BABAM2: variants seen among roughly 807,000 people sequenced by gnomAD.
The protein encoded by BABAM2 is BRISC and BRCA1-A complex member 2.
Under a neutral mutation model 54.7 loss-of-function variants are expected in BABAM2, and 31 were observed. The observed-to-expected ratio is 0.57, with a 90% CI of 0.43 to 0.77. BABAM2 has a LOEUF of 0.77. Ranked by LOEUF, BABAM2 falls within the 30% of genes least tolerant of loss-of-function variation. The pLI, the probability that BABAM2 is intolerant of heterozygous loss-of-function variation, is 0.00. For synonymous variants in BABAM2, 167 were observed against 162.9 expected (o/e 1.03, Z -0.19); for missense variants, 364 against 455.8 (o/e 0.80, Z 1.83).
chr2:28,242,820 C>T (rs2148073017), intron 9 of BABAM2, among the ~76,000 whole-genome samples: 1 of 152,276 alleles, frequency 6.6e-6, no homozygotes, highest in South Asian at 2.1e-4. Flanking sequence ...AACAGTATGA[C>T]TGCCTCTCAC....
chr2:28,015,356 C>A (rs1674724029), intron 4 of BABAM2, among the ~76,000 whole-genome samples: 1 of 152,094 alleles, frequency 6.6e-6, no homozygotes, highest in Non-Finnish European at 1.5e-5. Flanking sequence ...TTAATTTAAT[C>A]CCTCCTTCAA....
chr2:28,183,460 C>T (rs575181830), intron 7 of BABAM2, among the ~76,000 whole-genome samples: 1 of 152,158 alleles, frequency 6.6e-6, no homozygotes, highest in East Asian at 1.9e-4. Flanking sequence ...ATTTACAAAA[C>T]ATATTTCTTC....
chr2:28,054,983 A>G (rs1047327104), intron 6 of BABAM2, among the ~76,000 whole-genome samples: 2 of 152,226 alleles, frequency 1.3e-5, no homozygotes, highest in Non-Finnish European at 2.9e-5. Flanking sequence ...ACTAAGCACT[A>G]TTCACAATAG....
chr2:28,139,336 A>AG (rs1347428254), intron 7 of BABAM2, among the ~76,000 whole-genome samples: 9 of 149,176 alleles, frequency 6.0e-5, no homozygotes, highest in East Asian at 5.9e-4. Flanking sequence ...AAAAAAAAAA[A>AG]AAAAAAAAAG....
intron 7 of BABAM2, among the ~76,000 whole-genome samples, chr2:28,213,240 T>A (rs997325642): frequency 6.6e-6 from 1 of 150,544 alleles, no homozygotes; most frequent in Non-Finnish European, 1.5e-5. Flanking sequence ...AAAAAAAAAA[T>A]TAAAAAATTA....
intron 4 of BABAM2, chr2:28,016,318 G>T (rs1674811935): frequency 1.9e-6 from 2 of 1,073,400 alleles, no homozygotes; most frequent in South Asian, 1.3e-5. Context: ...CCAAACTCTT[G>T]GAGCCTTTCT....
At chr2:28,011,336 C>CT (rs1273352374) in intron 4 of BABAM2, among the ~76,000 whole-genome samples, 1 of 152,098 alleles carries the variant, frequency 6.6e-6, no homozygotes, top group African/African-American at 2.4e-5. Context: ...AGTTGAGTGT[C>CT]TATTTTGCTT....
At chr2:28,279,476 T>C (rs1573988002) in intron 10 of BABAM2, among the ~76,000 whole-genome samples, 1 of 152,276 alleles carries the variant, frequency 6.6e-6, no homozygotes, top group East Asian at 1.9e-4. Flanking sequence ...CAGCAGCCTT[T>C]CGTGCAGCCT....
At chr2:28,102,194 T>A (rs1025012853) in intron 6 of BABAM2, among the ~76,000 whole-genome samples, 2 of 152,192 alleles carry the variant, frequency 1.3e-5, no homozygotes, top group Non-Finnish European at 2.9e-5. Flanking sequence ...TGAATATTTT[T>A]TGAATAAATA....
chr2:28,270,451 T>C (rs1685327983), intron 10 of BABAM2, among the ~76,000 whole-genome samples: 1 of 152,196 alleles, frequency 6.6e-6, no homozygotes, highest in African/African-American at 2.4e-5. Context: ...AATTATCTCT[T>C]TAAAAAGGAG....
chr2:28,245,603 T>C (rs1421312798), intron 10 of BABAM2, among the ~76,000 whole-genome samples: 1 of 152,196 alleles, frequency 6.6e-6, no homozygotes, highest in Non-Finnish European at 1.5e-5. Context: ...CAGGTTCAAG[T>C]TGCAAGTCAA....
intron 6 of BABAM2, among the ~76,000 whole-genome samples, chr2:28,099,193 A>G (rs1034152734): frequency 6.6e-6 from 1 of 152,194 alleles, no homozygotes; most frequent in African/African-American, 2.4e-5. Context: ...GAATTTTAGT[A>G]CCAAATTAAT....
intron 7 of BABAM2, among the ~76,000 whole-genome samples, chr2:28,196,321 C>CGTCTCAAAAAAAAAAAAAAAGAAAAAAA (rs1360883175): frequency 9.3e-6 from 1 of 107,558 alleles, no homozygotes; most frequent in African/African-American, 2.8e-5. Context: ...AGCAAGACTC[C>CGTCTCAAAAAAAAAAAAAAAGAAAAAAA]ATATAAAAAA....
intron 10 of BABAM2, among the ~76,000 whole-genome samples, chr2:28,269,214 C>T (rs1685220675): frequency 6.6e-6 from 1 of 152,192 alleles, no homozygotes; most frequent in Admixed American, 6.5e-5. Flanking sequence ...CTGTTGCTGG[C>T]AAACTGTCTG....
At chr2:28,036,977 A>C (rs973300076) in intron 5 of BABAM2, among the ~76,000 whole-genome samples, 1 of 152,202 alleles carries the variant, frequency 6.6e-6, no homozygotes, top group African/African-American at 2.4e-5. Flanking sequence ...TTGGCACAGT[A>C]TGTGCTCAGT....
chr2:28,226,992 TG>T (rs1282636863), intron 7 of BABAM2, among the ~76,000 whole-genome samples: 1 of 152,020 alleles, frequency 6.6e-6, no homozygotes, highest in Non-Finnish European at 1.5e-5. Context: ...GAGTAGGTTT[TG>T]GGGGCAGGGT....
At chr2:27,937,773 GTTGA>G (rs922916563) in intron 3 of BABAM2, among the ~76,000 whole-genome samples, 1 of 152,096 alleles carries the variant, frequency 6.6e-6, no homozygotes, top group African/African-American at 2.4e-5. Context: ...TCTGCAGTCT[GTTGA>G]TTGTTTCCTT....
intron 2 of BABAM2, among the ~76,000 whole-genome samples, chr2:27,906,387 T>C (rs984569765): frequency 6.6e-6 from 1 of 152,210 alleles, no homozygotes; most frequent in African/African-American, 2.4e-5. Context: ...TCTAGACTTT[T>C]TGTGATCATA....
chr2:28,107,570 C>CT (rs1667636896), intron 6 of BABAM2, among the ~76,000 whole-genome samples: 1 of 152,140 alleles, frequency 6.6e-6, no homozygotes, highest in African/African-American at 2.4e-5. Flanking sequence ...CCCCCTTATC[C>CT]TTTTTACTCC....
Sources: allele counts gnomAD v4.1 joint callset (sites outside exome capture counted in the v4.1 genomes callset), GRCh38; gene constraint gnomAD v4.1.1; transcripts MANE v1.5; gene names NCBI Gene and HGNC (gene_info 2026-07-23, HGNC 2026-07-21).